The following KMT2A variants were observed in gnomAD, a reference collection of about 807,000 sequenced individuals.
The protein encoded by KMT2A is histone-lysine N-methyltransferase 2A.
In KMT2A, 16 loss-of-function variants were observed where a neutral mutation model predicts 345.3. The observed-to-expected ratio is 0.05, with a 90% CI of 0.03 to 0.07. The LOEUF (loss-of-function observed/expected upper bound fraction) is 0.07. KMT2A is among the 10% of genes least tolerant of loss of function. The pLI, the probability that KMT2A is intolerant of heterozygous loss-of-function variation, is 1.00. For missense variants in KMT2A, 3,272 were observed against 4,841.6 expected, an observed-to-expected ratio of 0.68 and a Z score of 9.62; for synonymous variants, 1,599 against 1,778.6, an observed-to-expected ratio of 0.90 and a Z score of 2.54.
intron 1 of KMT2A, among the ~76,000 whole-genome samples, chr11:118,444,339 T>C (rs1253161810): frequency 1.3e-5 from 2 of 152,250 alleles, no homozygotes; most frequent in Non-Finnish European, 2.9e-5. Flanking sequence ...ACCTTGTGGA[T>C]AACATCTCTT....
chr11:118,505,732 A>C lies in KMT2A; in HGVS notation c.9840A>C (p.Ser3280=). The C allele has an allele frequency of 2.5e-6, 4 of 1,614,106 alleles. No homozygotes were observed. The highest frequency in any genetic ancestry group is 2.2e-5 in the East Asian group (1 of 44,880). ...SLLDLGSLNT[S]SHRTVPNIIK... ...TAGATTTGGGGTCACTTAATACTTCATCTCACCGAACTGTCCCCAACATCA... is the reference window on the plus strand; with the variant it reads ...TAGATTTGGGGTCACTTAATACTTCCTCTCACCGAACTGTCCCCAACATCA... The change falls in exon 27 of 36, where the codon TCA becomes TCC. Residue 3280 remains serine (S), a synonymous_variant. Coordinates refer to ENST00000534358, the MANE Select transcript of KMT2A (RefSeq NM_001197104.2). The surrounding 1 kb of genome is among the most constrained non-coding windows in gnomAD (Gnocchi z 4.6).
At chr11:118,515,664 TC>T (rs374176458) in intron 31 of KMT2A, among the ~76,000 whole-genome samples, 1 of 147,708 alleles carries the variant, frequency 6.8e-6, no homozygotes, top group African/African-American at 2.5e-5. Context: ...TGGTACCATG[TC>T]CATTTCTTTT....
rs924282965 is a variant in KMT2A, at chr11:118,493,114, T to A, written c.5062T>A (p.Ser1688Thr). Residue 1688 changes from serine (S) to threonine (T), a missense_variant, in exon 16 of 36, where the codon TCC becomes ACC. Ser to Thr is a moderately conservative substitution (Grantham distance 58). Transcript: ENST00000534358. The surrounding 1 kb of genome is among the most constrained non-coding windows in gnomAD (Gnocchi z 5.8). ...ETEESIPSRS[S>T]PEGPDPPVLT... ...AGAGGAGAGTATACCTTCCCGCAGC[T>A]CCCCCGAAGGACCTGATCCACCAGT... 2 of 1,613,774 alleles carry A rather than the reference T, an allele frequency of 1.2e-6. No homozygotes were observed. The highest frequency in any genetic ancestry group is 1.7e-6 in the Non-Finnish European group (2 of 1,179,902).
rs781826148 is a variant in KMT2A at position 118,499,873 on chromosome 11, C to A, written c.6118C>A (p.Leu2040Ile). The A allele has an allele frequency of 6.2e-7, 1 of 1,612,896 alleles. No individual in the cohort carries two copies. Among genetic ancestry groups the A allele is most frequent in the Non-Finnish European group, 8.5e-7 (1 of 1,178,878 alleles). Residue 2040 changes from leucine to isoleucine, a missense_variant, in exon 24 of 36, where the codon CTC (leucine) becomes ATC (isoleucine). Physicochemically the swap from Leu to Ile is conservative, Grantham distance 5 (BLOSUM62 2). Around this residue, in one of 27 missense-constraint regions of KMT2A, gnomAD observed 235 missense variants for 503.4 expected, o/e 0.47. Coordinates refer to ENST00000534358, the MANE Select transcript of KMT2A (RefSeq NM_001197104.2). Reference sequence around the variant, plus strand: ...CGACTGCTTAGGAATTCTAAATGATCTCTCCGACTGTGAAGATAAGCTCTT... The same window carrying A: ...CGACTGCTTAGGAATTCTAAATGATATCTCCGACTGTGAAGATAAGCTCTT... ...TIDCLGILND[L>I]SDCEDKLFPI...
At position 118,502,621 on chromosome 11, in the gene KMT2A, C is replaced by A; in HGVS notation, c.6729C>A (p.Ala2243=). The change falls in exon 27 of 36, where the codon GCC becomes GCA. Residue 2243 remains alanine, a synonymous_variant. Coordinates refer to ENST00000534358, the MANE Select transcript of KMT2A (RefSeq NM_001197104.2). The surrounding 1 kb of genome is among the most constrained non-coding windows in gnomAD (Gnocchi z 4.9). ...CCGCTACTGATCTTGAATCAAGTGCCAAAGTAGTTGATCATGTCTTAGGGC... is the reference window on the plus strand; with the variant it reads ...CCGCTACTGATCTTGAATCAAGTGCAAAAGTAGTTGATCATGTCTTAGGGC... ...TGTATDLESS[A]KVVDHVLGPL... 1 of 1,614,074 alleles carries A rather than the reference C, an allele frequency of 6.2e-7. No individual in the cohort carries two copies. The highest frequency in any genetic ancestry group is 1.1e-5 in the South Asian group (1 of 91,072).
At position 118,472,517 on chromosome 11, in the gene KMT2A, C is replaced by T. The variant is rs1555035935; in HGVS notation, c.1358C>T (p.Ala453Val). The change falls in exon 3 of 36, where the codon GCC (alanine) becomes GTC (valine). Residue 453 changes from alanine to valine, a missense_variant. Physicochemically the swap from Ala to Val is moderately conservative, Grantham distance 64. This residue lies in a region of KMT2A where 180 missense variants were observed against 190.7 expected (regional missense o/e 0.94). Coordinates refer to ENST00000534358, the MANE Select transcript of KMT2A (RefSeq NM_001197104.2). Reference sequence around the variant, plus strand: ...TCTACACCGAATAGTAGATTCAGTGCCCCGTCCTGTGGATCTTCTGAAAAA... The same window carrying T: ...TCTACACCGAATAGTAGATTCAGTGTCCCGTCCTGTGGATCTTCTGAAAAA... ...LESTPNSRFS[A>V]PSCGSSEKSS... is the part of the protein sequence containing the mutation. 1.9e-6 allele frequency: 3 copies of T among 1,613,218 alleles called. No homozygotes were observed. Among genetic ancestry groups the T allele is most frequent in the Non-Finnish European group, 1.7e-6 (2 of 1,179,874 alleles).
At chr11:118,462,085 C>T (rs1408672951) in intron 1 of KMT2A, among the ~76,000 whole-genome samples, 2 of 152,148 alleles carry the variant, frequency 1.3e-5, no homozygotes, top group African/African-American at 4.8e-5. Context: ...TCCCGAGTAG[C>T]TGGGACTACA....
At position 118,476,638 on chromosome 11, in the gene KMT2A, C is replaced by G. The variant is rs1375197863; in HGVS notation, c.3157-167C>G. ...TTTTTTTGTGCTGCCAATTAGGATA[C>G]AGTAATAGTTGATTTCTGTTTTGAT... On this transcript the variant is annotated intron_variant, in intron 3 of 35. Transcript: ENST00000534358. This position sits in a 1 kb window ranked among gnomAD's most constrained non-coding sequence, Gnocchi z 4.1. 6.6e-6 allele frequency among the ~76,000 whole-genome samples: 1 copy of G among 152,052 alleles called. No individual in the cohort carries two copies. The highest frequency in any genetic ancestry group is 2.4e-5 in the African/African-American group (1 of 41,390).
rs1032629403 is a variant in KMT2A at position 118,497,491 on chromosome 11, G to A, written c.5665-445G>A. ...GCTCACTGCAATCTCGGCTTCCGGG[G>A]CTCAAGTGATCCTCCTACCTCAGCC... is the stretch of plus-strand genomic sequence containing the variant. On this transcript the variant is annotated intron_variant, in intron 20 of 35. Transcript: ENST00000534358. This position sits in a 1 kb window ranked among gnomAD's most constrained non-coding sequence, Gnocchi z 4.8. 6.6e-6 allele frequency among the ~76,000 whole-genome samples: 1 copy of A among 152,082 alleles called. No homozygotes were observed. Among genetic ancestry groups the A allele is most frequent in the African/African-American group, 2.4e-5 (1 of 41,400 alleles).
chr11:118,473,211 T>C lies in KMT2A; in HGVS notation c.2052T>C (p.Ser684=). 6.2e-7 allele frequency: 1 copy of C among 1,613,222 alleles called. No homozygotes were observed. Among genetic ancestry groups the C allele is most frequent in the Non-Finnish European group, 8.5e-7 (1 of 1,179,576 alleles). The change falls in exon 3 of 36, where the codon TCT becomes TCC. Residue 684 remains serine, a synonymous_variant. Transcript: ENST00000534358. The surrounding 1 kb of genome is among the most constrained non-coding windows in gnomAD (Gnocchi z 5.2). ...ASARLFSPLH[S]GTRFDMHKRS... ...CCCGATTGTTTTCGCCACTCCATTC[T>C]GGAACAAGGTTTGATATGCACAAAA...
At chr11:118,512,322 C>G in intron 31 of KMT2A, 1 of 408,708 alleles carries the variant, frequency 2.4e-6, no homozygotes, top group South Asian at 4.1e-5. Context: ...CACCACAAAT[C>G]TACTTTCTGT....
At chr11:118,450,819 A>G (rs1949520835) in intron 1 of KMT2A, 1 of 152,204 alleles carries the variant, frequency 6.6e-6, no homozygotes, top group Non-Finnish European at 1.5e-5. Context: ...TGTCAGTTCA[A>G]TAACAGCATA....
chr11:118,446,927 A>G (rs1949433862), intron 1 of KMT2A, among the ~76,000 whole-genome samples: 1 of 152,204 alleles, frequency 6.6e-6, no homozygotes, highest in South Asian at 2.1e-4. Flanking sequence ...TACTGCTTCA[A>G]CCACATTGGA....
At chr11:118,516,994 C>CT (rs1950828892) in intron 31 of KMT2A, among the ~76,000 whole-genome samples, 1 of 152,028 alleles carries the variant, frequency 6.6e-6, no homozygotes. Context: ...TGAAAATATA[C>CT]TTGAGTATGT....
At position 118,520,669 on chromosome 11, in the gene KMT2A, C is replaced by G; in HGVS notation, c.11430-133C>G. The G allele has an allele frequency of 1.5e-6, 1 of 656,948 alleles. No homozygotes were observed. Among genetic ancestry groups the G allele is most frequent in the Non-Finnish European group, 2.7e-6 (1 of 373,474 alleles). 40.7% of individuals were successfully genotyped at this position (656,948 alleles called of 1,614,324 possible). A position where few individuals can be genotyped will look rare whatever the true frequency, so the allele number is the denominator to read the frequency against. On this transcript the variant is annotated intron_variant, in intron 33 of 35. Transcript: ENST00000534358. This position sits in a 1 kb window ranked among gnomAD's most constrained non-coding sequence, Gnocchi z 4.3. ...CCATCTCAAAAAAAAAAGGGGGGCGCTCATTTTATAAGGCACTCGTTCAGT... is the reference window on the plus strand; with the variant it reads ...CCATCTCAAAAAAAAAAGGGGGGCGGTCATTTTATAAGGCACTCGTTCAGT...
chr11:118,504,323 C>G lies in KMT2A; in HGVS notation c.8431C>G (p.Arg2811Gly), dbSNP rs782078199. The G allele has an allele frequency of 1.2e-6, 2 of 1,614,110 alleles. No individual in the cohort carries two copies. The highest frequency in any genetic ancestry group is 1.7e-6 in the Non-Finnish European group (2 of 1,180,024). The change falls in exon 27 of 36, where the codon CGC (arginine) becomes GGC (glycine). Residue 2811 changes from arginine to glycine, a missense_variant. Arg to Gly is a moderately radical substitution (Grantham distance 125, BLOSUM62 -2). Coordinates refer to ENST00000534358, the MANE Select transcript of KMT2A (RefSeq NM_001197104.2). This position sits in a 1 kb window ranked among gnomAD's most constrained non-coding sequence, Gnocchi z 6.4. ...TCAGCTCAGCTCATTGGAGTCAAGC[C>G]GCAGAGTCCACACAAGTACCCCCTC... Reference protein sequence around the residue: ...EAQLSSLESSRRVHTSTPSDK... With the variant: ...EAQLSSLESSGRVHTSTPSDK...
In KMT2A at chr11:118,494,212, G is replaced by A; in HGVS notation, c.5179-76G>A. 1 of 763,870 alleles carries A rather than the reference G, an allele frequency of 1.3e-6. No individual in the cohort carries two copies. The allele number at this position is 763,870 out of a possible 1,614,324, so 47.3% of individuals were successfully genotyped here. A position where few individuals can be genotyped will look rare whatever the true frequency, so the allele number is the denominator to read the frequency against. On this transcript the variant is annotated intron_variant, in intron 16 of 35. Coordinates refer to ENST00000534358, the MANE Select transcript of KMT2A (RefSeq NM_001197104.2). The surrounding 1 kb of genome is among the most constrained non-coding windows in gnomAD (Gnocchi z 5.8). ...TTTCTGTTGGATCTCTGTGCTGGAT[G>A]ATTAAGGAGGGAAGAGGAAATGGTT...
rs1313885535 is a variant in KMT2A, at chr11:118,500,054, C to T, written c.6158+141C>T. On this transcript the variant is annotated intron_variant, in intron 24 of 35. Coordinates refer to ENST00000534358, the MANE Select transcript of KMT2A (RefSeq NM_001197104.2). ...ATTAATCACTTATTTTGCTAGTTCT[C>T]GGATTCGTCTGCTTGTAGATTGGGA... 1.0e-5 allele frequency: 6 copies of T among 585,526 alleles called. No homozygotes were observed. The East Asian group carries it at 1.8e-4, about 17-fold the overall frequency. The allele number at this position is 585,526 out of a possible 1,614,324, so 36.3% of individuals were successfully genotyped here.
chr11:118,478,226 T>C (rs1950072456), intron 5 of KMT2A, 25 bp downstream of exon 5: 1 of 1,550,932 alleles, frequency 6.4e-7, no homozygotes, highest in African/African-American at 1.4e-5. Context: ...CACTCTGAGA[T>C]GTTGACCTCT....
Sources: gnomAD v4.1 joint callset for allele counts (sites outside exome capture counted in the v4.1 genomes callset) on GRCh38, gnomAD v4.1.1 for gene constraint, gnomAD v4.1.1 regional missense constraint, Gnocchi (gnomAD v3.1) non-coding constraint, MANE v1.5 for transcripts, NCBI Gene and HGNC (gene_info 2026-07-23, HGNC 2026-07-21) for gene names.